Variants in RBMS2 observed in about 807,000 individuals in gnomAD.
RBMS2 encodes RNA-binding motif, single-stranded-interacting protein 2.
Under a neutral mutation model 58.4 loss-of-function variants are expected in RBMS2, and 38 were observed. The observed-to-expected ratio is 0.65, with a 90% confidence interval of 0.50 to 0.85. The LOEUF (loss-of-function observed/expected upper bound fraction) is 0.85, where lower values mean the gene tolerates loss of function less well. Among genes scored for constraint, RBMS2 ranks in the 40% least tolerant of loss-of-function variants. RBMS2 has a pLI of 0.00. For synonymous variants in RBMS2, 151 were observed against 180.7 expected (o/e 0.84, Z 1.32); for missense variants, 367 against 503.7 (o/e 0.73, Z 2.60).
intron 9 of RBMS2, among the ~76,000 whole-genome samples, chr12:56,584,718 A>G (rs931411805): frequency 6.6e-6 from 1 of 151,622 alleles, no homozygotes; most frequent in Admixed American, 6.6e-5. Flanking sequence ...CTGAGAGGTG[A>G]AGCTTGCAGT....
intron 1 of RBMS2, 122 bp from the exon 2 acceptor site, chr12:56,562,295 G>T: frequency 1.1e-6 from 1 of 913,616 alleles, no homozygotes; most frequent in Non-Finnish European, 1.7e-6. Flanking sequence ...GTGTGTCCAA[G>T]TGAGTGCACA....
intron 5 of RBMS2, among the ~76,000 whole-genome samples, chr12:56,576,710 T>C (rs552056945): frequency 1.3e-5 from 2 of 152,126 alleles, no homozygotes; most frequent in Non-Finnish European, 2.9e-5. Context: ...TGGATCATCT[T>C]GTCATACTTC....
chr12:56,575,006 G>C (rs1033149474), intron 5 of RBMS2, among the ~76,000 whole-genome samples: 4 of 151,574 alleles, frequency 2.6e-5, no homozygotes, highest in Admixed American at 6.6e-5. Flanking sequence ...AAATTAGCCG[G>C]GCGTGGTGGC....
intron 1 of RBMS2, among the ~76,000 whole-genome samples, chr12:56,526,666 A>G (rs1872705349): frequency 2.0e-5 from 1 of 49,846 alleles, no homozygotes; most frequent in African/African-American, 5.5e-5. Context: ...AACTTGGTTC[A>G]TTAAAAAAAA....
chr12:56,562,327 G>T, intron 1 of RBMS2, 90 bp from the exon 2 acceptor site: 1 of 1,255,402 alleles, frequency 8.0e-7, no homozygotes, highest in Non-Finnish European at 1.1e-6. Flanking sequence ...ATATAGTTTG[G>T]AATCATTTTT....
chr12:56,562,521 C>G lies in RBMS2; in HGVS notation c.171C>G (p.Asn57Lys), dbSNP rs758276334. Reference protein sequence around the residue: ...SNGNDQLSKTNLYIRGLQPGT... With the variant: ...SNGNDQLSKTKLYIRGLQPGT... The stretch of plus-strand genomic sequence containing the variant: ...GAAATGACCAGCTGAGCAAAACCAA[C>G]CTATACATCCGAGGATTGCAACCAG... The change falls in exon 2 of 14, where the codon AAC (asparagine) becomes AAG (lysine). Residue 57 changes from asparagine to lysine, a missense_variant. This residue lies in a region of RBMS2 where 93 missense variants were observed against 132.2 expected (regional missense o/e 0.70). Transcript: ENST00000262031. 1.2e-6 allele frequency: 2 copies of G among 1,612,002 alleles called. No individual in the cohort carries two copies. The highest frequency in any genetic ancestry group is 1.7e-6 in the Non-Finnish European group (2 of 1,178,006).
chr12:56,530,350 C>CT (rs71081373), intron 1 of RBMS2, among the ~76,000 whole-genome samples: 1,315 of 63,826 alleles, frequency 0.021, 62 homozygotes, highest in East Asian at 0.035. Flanking sequence ...TTTCTTTTTC[C>CT]TTTTTTTTTT....
chr12:56,542,475 T>G (rs1449104757), intron 1 of RBMS2, among the ~76,000 whole-genome samples: 1 of 151,490 alleles, frequency 6.6e-6, no homozygotes, highest in Admixed American at 6.6e-5. Flanking sequence ...TGGGTTTTTT[T>G]TTTTTAAAAA....
At chr12:56,551,122 AAAAAAAAAAAG>A (rs996924038) in intron 1 of RBMS2, among the ~76,000 whole-genome samples, 2 of 135,006 alleles carry the variant, frequency 1.5e-5, no homozygotes, top group African/African-American at 5.4e-5. Context: ...CCTGTTTCAA[AAAAAAAAAAAG>A]AAAAAAAAAA....
At chr12:56,537,875 C>T (rs1047883418) in intron 1 of RBMS2, among the ~76,000 whole-genome samples, 2 of 147,622 alleles carry the variant, frequency 1.4e-5, no homozygotes, top group African/African-American at 5.0e-5. Flanking sequence ...TATAAGTAGC[C>T]ATCCTGATGG....
At chr12:56,587,266 T>C (rs1394641541) in intron 10 of RBMS2, among the ~76,000 whole-genome samples, 1 of 144,784 alleles carries the variant, frequency 6.9e-6, no homozygotes, top group African/African-American at 2.6e-5. Context: ...AAACTCCGTC[T>C]CAAAAAAAAA....
chr12:56,563,098 G>C (rs1880732809), intron 2 of RBMS2, among the ~76,000 whole-genome samples: 1 of 152,076 alleles, frequency 6.6e-6, no homozygotes, highest in African/African-American at 2.4e-5. Context: ...ACTCCAGCCT[G>C]GGCAATAGAG....
intron 1 of RBMS2, among the ~76,000 whole-genome samples, chr12:56,534,319 T>G (rs1374239389): frequency 5.3e-5 from 8 of 152,244 alleles, no homozygotes; most frequent in Non-Finnish European, 8.8e-5. Flanking sequence ...ATTGCTGTTC[T>G]GAACATTCTT....
At position 56,573,838 on chromosome 12, in the gene RBMS2, G is replaced by T. The variant is rs988437930; in HGVS notation, c.542+1983G>T. Among the ~76,000 whole-genome samples the T allele has an allele frequency of 2.7e-5, 4 of 147,024 alleles. 1 individual carries two copies. The highest frequency in any genetic ancestry group is 6.0e-5 in the Non-Finnish European group (4 of 67,180). On this transcript the variant is annotated intron_variant, in intron 5 of 13. Transcript: ENST00000262031. The stretch of plus-strand genomic sequence containing the variant: ...ACGCCTGGCTAATTTTTGTATTTTT[G>T]TTGTTGTTGTTGTTGTTGTTGAGAC...
intron 1 of RBMS2, among the ~76,000 whole-genome samples, chr12:56,535,674 A>G (rs1293878317): frequency 6.6e-6 from 1 of 151,976 alleles, no homozygotes; most frequent in Non-Finnish European, 1.5e-5. Context: ...TTTCAAACTT[A>G]ACATATTTAA....
chr12:56,582,175 G>T (rs1051172028), intron 9 of RBMS2, 23 bp downstream of exon 9: 11 of 1,557,082 alleles, frequency 7.1e-6, no homozygotes, highest in Non-Finnish European at 9.7e-6. Flanking sequence ...CTGAAAAATG[G>T]TGTGGTGGTT....
intron 1 of RBMS2, among the ~76,000 whole-genome samples, chr12:56,535,516 T>G (rs1339084243): frequency 3.5e-5 from 5 of 144,400 alleles, no homozygotes; most frequent in African/African-American, 1.0e-4. Context: ...AAAAAAAAAT[T>G]TATATCCAGT....
At chr12:56,570,464 TC>T (rs1164482496) in intron 4 of RBMS2, among the ~76,000 whole-genome samples, 1 of 152,358 alleles carries the variant, frequency 6.6e-6, no homozygotes, top group Non-Finnish European at 1.5e-5. Context: ...GGAAACTGTC[TC>T]TTCTCAGATC....
chr12:56,568,547 T>C (rs1881755558), intron 2 of RBMS2, among the ~76,000 whole-genome samples: 1 of 151,124 alleles, frequency 6.6e-6, no homozygotes, highest in Non-Finnish European at 1.5e-5. Flanking sequence ...TTCTTTTTTT[T>C]TTTTTTTGAG....
Sources: allele counts gnomAD v4.1 joint callset (sites outside exome capture counted in the v4.1 genomes callset), GRCh38; gene constraint gnomAD v4.1.1; regional missense constraint gnomAD v4.1.1; transcripts MANE v1.5; gene names NCBI Gene and HGNC (gene_info 2026-07-23, HGNC 2026-07-21).